Variants in MMRN1 observed in about 807,000 individuals in gnomAD.
The protein encoded by MMRN1 is multimerin 1.
In MMRN1, 94 loss-of-function variants were observed where a neutral mutation model predicts 100.7. The ratio of observed to expected loss-of-function variants is 0.93; its 90% CI spans 0.79 to 1.11. The LOEUF (loss-of-function observed/expected upper bound fraction) is 1.11. MMRN1 is among the 50% of genes least tolerant of loss of function. The pLI, the probability that MMRN1 is intolerant of heterozygous loss-of-function variation, is 0.00. For missense variants in MMRN1, 1,606 were observed against 1,439.1 expected, an observed-to-expected ratio of 1.12 and a Z score of -1.88; for synonymous variants, 575 against 505.0, an observed-to-expected ratio of 1.14 and a Z score of -1.86.
chr4:89,884,477 G>A (rs1720891744), intron 1 of MMRN1, among the ~76,000 whole-genome samples: 1 of 152,118 alleles, frequency 6.6e-6, no homozygotes, highest in Non-Finnish European at 1.5e-5. Context: ...ATGAATTGCT[G>A]TTCCCATTGC....
intron 6 of MMRN1, 142 bp downstream of exon 6, chr4:89,936,940 A>G (rs1390211779): frequency 2.9e-6 from 2 of 689,158 alleles, no homozygotes; most frequent in African/African-American, 1.8e-5. Flanking sequence ...AAGATCACTG[A>G]CATTATTTAA....
rs71596503 is a variant in MMRN1 at position 89,903,897 on chromosome 4, GAA to G, written c.624-5364_624-5363del. ...CTCACCCTTGCCTAATTCAGGATTA[GAA>G]AAAAAAAAAAAAAACTCTAGGCACA... On this transcript the variant is annotated intron_variant, in intron 1 of 7. Coordinates refer to ENST00000264790, the MANE Select transcript of MMRN1 (RefSeq NM_007351.3). Among the ~76,000 whole-genome samples the G allele has an allele frequency of 1.8e-3, 235 of 127,200 alleles. 1 individual carries two copies. Among genetic ancestry groups the G allele is most frequent in the South Asian group, 5.8e-3 (22 of 3,780 alleles). 83.4% of individuals were successfully genotyped at this position (127,200 alleles called of 152,430 possible).
chr4:89,936,751 T>C lies in MMRN1; in HGVS notation c.3071T>C (p.Val1024Ala). 1.2e-6 allele frequency: 2 copies of C among 1,610,744 alleles called. No homozygotes were observed. The highest frequency in any genetic ancestry group is 1.7e-6 in the Non-Finnish European group (2 of 1,178,808). ...AAACCAACGGTAAATCTTACCACAG[T>C]CCTGATAGGCCGGACTCAAAGAAAC... ...LKKPTVNLTTVLIGRTQRNTD... is the reference protein window; with the variant it reads ...LKKPTVNLTTALIGRTQRNTD... Residue 1024 changes from valine (V) to alanine (A), a missense_variant, in exon 6 of 8, where the codon GTC becomes GCC. Val to Ala is a moderately conservative substitution (Grantham distance 64). Transcript: ENST00000264790.
chr4:89,937,046 C>A (rs1245819453), intron 6 of MMRN1, among the ~76,000 whole-genome samples: 2 of 152,014 alleles, frequency 1.3e-5, no homozygotes, highest in South Asian at 2.1e-4. Flanking sequence ...TCTGACTAGA[C>A]CTCTATAAAA....
intron 1 of MMRN1, among the ~76,000 whole-genome samples, chr4:89,899,454 C>A (rs1235327959): frequency 4.6e-5 from 7 of 152,038 alleles, no homozygotes; most frequent in Non-Finnish European, 8.8e-5. Flanking sequence ...CTTATGGAAC[C>A]AACAGCCCAG....
At chr4:89,895,819 A>G (rs1364948989) in intron 1 of MMRN1, among the ~76,000 whole-genome samples, 2 of 152,198 alleles carry the variant, frequency 1.3e-5, no homozygotes, top group African/African-American at 4.8e-5. Flanking sequence ...ATAATCATTC[A>G]CTTTTCTACT....
At position 89,935,609 on chromosome 4, in the gene MMRN1, T is replaced by C. The variant is rs750783389; in HGVS notation, c.1929T>C (p.Thr643=). 1 of 1,613,570 alleles carries C rather than the reference T, an allele frequency of 6.2e-7. No individual in the cohort carries two copies. Among genetic ancestry groups the C allele is most frequent in the Non-Finnish European group, 8.5e-7 (1 of 1,179,732 alleles). Residue 643 remains threonine, a synonymous_variant, in exon 6 of 8, where the codon ACT becomes ACC. Transcript: ENST00000264790. ...TGAGTGAGCAACTAAATGATTTGAC[T>C]TATGATATGGAGATCCTTCAACCCT... ...DKMSEQLNDL[T]YDMEILQPLL...
intron 1 of MMRN1, among the ~76,000 whole-genome samples, chr4:89,896,825 AG>A: frequency 6.6e-6 from 1 of 152,260 alleles, no homozygotes; most frequent in South Asian, 2.1e-4. Flanking sequence ...ATATTTCAAA[AG>A]TTATAGAATT....
intron 5 of MMRN1, among the ~76,000 whole-genome samples, chr4:89,930,567 T>A (rs1308675188): frequency 6.6e-6 from 1 of 152,122 alleles, no homozygotes; most frequent in Non-Finnish European, 1.5e-5. Context: ...ACTGTAAGAT[T>A]ATAAATTTAA....
At chr4:89,922,174 G>C (rs1161902090) in intron 3 of MMRN1, among the ~76,000 whole-genome samples, 1 of 151,958 alleles carries the variant, frequency 6.6e-6, no homozygotes, top group Admixed American at 6.6e-5. Context: ...ATGCCATCTC[G>C]GCTCACTGCA....
chr4:89,936,115 A>T lies in MMRN1; in HGVS notation c.2435A>T (p.Asp812Val). 1 of 1,612,676 alleles carries T rather than the reference A, an allele frequency of 6.2e-7. No homozygotes were observed. ...VAKTLAGIPRDEKLNQSNFQK... is the reference protein window; with the variant it reads ...VAKTLAGIPRVEKLNQSNFQK... ...AAGACCCTTGCAGGTATTCCCAGAG[A>T]TGAGAAACTAAATCAGTCCAACTTC... Residue 812 changes from aspartate to valine, a missense_variant, in exon 6 of 8, where the codon GAT becomes GTT. Coordinates refer to ENST00000264790, the MANE Select transcript of MMRN1 (RefSeq NM_007351.3).
intron 6 of MMRN1, among the ~76,000 whole-genome samples, chr4:89,938,353 T>C (rs985560042): frequency 1.9e-4 from 29 of 150,730 alleles, no homozygotes; most frequent in Non-Finnish European, 4.4e-5. Flanking sequence ...TTGGGAGATA[T>C]AAGGAGTTGT....
chr4:89,936,902 T>C, intron 6 of MMRN1, 104 bp downstream of exon 6: 1 of 1,048,032 alleles, frequency 9.5e-7, no homozygotes, highest in South Asian at 1.9e-5. Context: ...AACTACATAC[T>C]TGAACTTGGA....
chr4:89,940,275 C>A (rs1053978158), intron 6 of MMRN1, among the ~76,000 whole-genome samples: 1 of 152,072 alleles, frequency 6.6e-6, no homozygotes, highest in African/African-American at 2.4e-5. Flanking sequence ...GCACCTCCTG[C>A]TTGTAAAACC....
intron 1 of MMRN1, chr4:89,902,068 CTCAAG>C (rs1484602851): frequency 6.6e-6 from 1 of 151,110 alleles, no homozygotes; most frequent in Non-Finnish European, 1.5e-5. Context: ...CCGGAATATG[CTCAAG>C]TCACAGTTTT....
chr4:89,951,410 A>G, intron 6 of MMRN1, 195 bp from the exon 7 acceptor site: 1 of 422,902 alleles, frequency 2.4e-6, no homozygotes, highest in Non-Finnish European at 4.1e-6. Flanking sequence ...ACTTTACTGA[A>G]GGAGATAGAG....
chr4:89,924,835 T>A (rs1463548158), intron 4 of MMRN1, among the ~76,000 whole-genome samples: 1 of 152,198 alleles, frequency 6.6e-6, no homozygotes, highest in East Asian at 1.9e-4. Flanking sequence ...AGAGCGAGAC[T>A]GTCTCAAAAA....
chr4:89,935,713 T>C lies in MMRN1; in HGVS notation c.2033T>C (p.Ile678Thr), dbSNP rs528796803. 2.5e-6 allele frequency: 4 copies of C among 1,611,964 alleles called. No homozygotes were observed. Among genetic ancestry groups the C allele is most frequent in the Admixed American group, 1.7e-5 (1 of 59,734 alleles). ...GAAGCAATAGTGATAAGGAAAAAGA[T>C]AGAAAATCTGACTAGTGCTGTCAAT... ...PKEAIVIRKK[I>T]ENLTSAVNSL... Residue 678 changes from isoleucine (I) to threonine (T), a missense_variant, in exon 6 of 8, where the codon ATA (isoleucine) becomes ACA (threonine). Physicochemically the swap from Ile to Thr is moderately conservative, Grantham distance 89. Transcript: ENST00000264790.
chr4:89,931,714 T>C (rs1393216814), intron 5 of MMRN1, among the ~76,000 whole-genome samples: 9 of 152,120 alleles, frequency 5.9e-5, no homozygotes, highest in South Asian at 2.1e-4. Flanking sequence ...AACTGCCCTT[T>C]ATAAAACCAT....
Sources: gnomAD v4.1 joint callset for allele counts (sites outside exome capture counted in the v4.1 genomes callset) on GRCh38, gnomAD v4.1.1 for gene constraint, MANE v1.5 for transcripts, NCBI Gene and HGNC (gene_info 2026-07-23, HGNC 2026-07-21) for gene names.